The following NHSL1 variants were observed in gnomAD, a reference collection of about 807,000 sequenced individuals.
NHSL1 encodes the protein NHS-like protein 1.
A neutral mutation model predicts 95.0 loss-of-function variants in NHSL1; 48 were observed. The ratio of observed to expected loss-of-function variants is 0.51; its 90% CI spans 0.40 to 0.64. The LOEUF is 0.64. Ranked by LOEUF, NHSL1 falls within the 30% of genes least tolerant of loss-of-function variation. NHSL1 has a pLI of 0.00. For missense variants in NHSL1, 1,971 were observed against 2,077.7 expected, an observed-to-expected ratio of 0.95 and a Z score of 1.00; for synonymous variants, 783 against 833.9, an observed-to-expected ratio of 0.94 and a Z score of 1.05.
At chr6:138,673,876 A>G (rs1312343007) in intron 1 of NHSL1, among the ~76,000 whole-genome samples, 2 of 152,274 alleles carry the variant, frequency 1.3e-5, no homozygotes, top group African/African-American at 4.8e-5. Flanking sequence ...AGATCCTTTT[A>G]CAAAGACTGC....
intron 1 of NHSL1, among the ~76,000 whole-genome samples, chr6:138,642,573 C>T (rs1438427374): frequency 7.2e-5 from 11 of 152,106 alleles, no homozygotes; most frequent in Admixed American, 7.2e-4. Context: ...TATGATTATT[C>T]CAGATTGTCG....
rs1432797378 is a variant in NHSL1 at position 138,437,441 on chromosome 6, CACACA to C, written c.665-3766_665-3762del. Among the ~76,000 whole-genome samples the C allele has an allele frequency of 3.7e-4, 13 of 35,472 alleles. 2 individuals carry two copies. The highest frequency in any genetic ancestry group is 2.4e-3 in the East Asian group (2 of 838). The allele number at this position is 35,472 out of a possible 152,430, so 23.3% of individuals were successfully genotyped here. ...ACACACACACACACACACACACACACACACAAAAAAAAAAAAAAAAAATACAATGC... is the reference window on the plus strand; with the variant it reads ...ACACACACACACACACACACACACACAAAAAAAAAAAAAAAAATACAATGC... On this transcript the variant is annotated intron_variant, in intron 5 of 7. Transcript: ENST00000343505.
intron 1 of NHSL1, among the ~76,000 whole-genome samples, chr6:138,663,799 A>G (rs1785260746): frequency 6.6e-6 from 1 of 151,896 alleles, no homozygotes; most frequent in African/African-American, 2.4e-5. Flanking sequence ...TGAATCTGGG[A>G]GGCGGAGGTT....
At chr6:138,594,714 G>C (rs1389146353) in intron 1 of NHSL1, among the ~76,000 whole-genome samples, 60 of 151,960 alleles carry the variant, frequency 3.9e-4, no homozygotes, top group Admixed American at 3.8e-3. Context: ...TGAGCACGTT[G>C]ACACTGACAA....
upstream of NHSL1, among the ~76,000 whole-genome samples, chr6:138,499,674 C>T (rs1780569721): frequency 6.6e-6 from 1 of 152,166 alleles, no homozygotes; most frequent in Admixed American, 6.5e-5. Context: ...CCTCTCTGAG[C>T]CCACAAAAAT....
chr6:138,598,800 A>G (rs752806072), intron 1 of NHSL1, among the ~76,000 whole-genome samples: 26 of 152,158 alleles, frequency 1.7e-4, no homozygotes, highest in Non-Finnish European at 3.1e-4. Context: ...AAGCTAAACA[A>G]TCCCACTAAT....
At chr6:138,569,880 T>TAA (rs1347104909) in intron 1 of NHSL1, among the ~76,000 whole-genome samples, 2 of 147,520 alleles carry the variant, frequency 1.4e-5, no homozygotes, top group African/African-American at 5.0e-5. Context: ...CCCAATTATT[T>TAA]AAAAAAAAAA....
intron 5 of NHSL1, among the ~76,000 whole-genome samples, chr6:138,437,906 A>G (rs1776293437): frequency 6.6e-6 from 1 of 152,230 alleles, no homozygotes; most frequent in South Asian, 2.1e-4. Flanking sequence ...TCAAACTTGA[A>G]CAACGAGGCA....
intron 1 of NHSL1, among the ~76,000 whole-genome samples, chr6:138,618,895 G>T (rs1784616494): frequency 6.6e-6 from 1 of 152,150 alleles, no homozygotes; most frequent in African/African-American, 2.4e-5. Flanking sequence ...AAGACCACAT[G>T]TCATGACCCT....
intron 1 of NHSL1, among the ~76,000 whole-genome samples, chr6:138,602,314 T>G (rs938599224): frequency 6.6e-6 from 1 of 152,194 alleles, no homozygotes; most frequent in African/African-American, 2.4e-5. Context: ...GTATTTCCTT[T>G]CTTATGTGCA....
At chr6:138,648,266 C>T (rs1785045343) in intron 1 of NHSL1, among the ~76,000 whole-genome samples, 1 of 150,346 alleles carries the variant, frequency 6.7e-6, no homozygotes, top group East Asian at 2.0e-4. Context: ...CACTCTAAAA[C>T]TTAATGGCTT....
At chr6:138,452,427 G>C (rs965044344) in intron 3 of NHSL1, among the ~76,000 whole-genome samples, 2 of 151,990 alleles carry the variant, frequency 1.3e-5, no homozygotes, top group African/African-American at 4.8e-5. Flanking sequence ...GATTAACTAA[G>C]AAACACAGAT....
At chr6:138,539,245 C>T (rs913957923) in intron 1 of NHSL1, among the ~76,000 whole-genome samples, 3 of 152,162 alleles carry the variant, frequency 2.0e-5, no homozygotes, top group African/African-American at 7.2e-5. Context: ...TCTTCCACCC[C>T]GCATCCCCAA....
At chr6:138,500,565 T>C (rs929784143), upstream of NHSL1, among the ~76,000 whole-genome samples, 1 of 152,240 alleles carries the variant, frequency 6.6e-6, no homozygotes, top group Non-Finnish European at 1.5e-5. Flanking sequence ...GCCAGACTTA[T>C]AACTCAATGG....
intron 1 of NHSL1, among the ~76,000 whole-genome samples, chr6:138,580,417 G>A (rs1784035538): frequency 6.6e-6 from 1 of 152,220 alleles, no homozygotes; most frequent in African/African-American, 2.4e-5. Flanking sequence ...TTCGGGATGA[G>A]ATGTACTCTC....
intron 1 of NHSL1, among the ~76,000 whole-genome samples, chr6:138,508,300 T>C (rs930209885): frequency 1.6e-4 from 25 of 152,166 alleles, no homozygotes; most frequent in African/African-American, 6.0e-4. Flanking sequence ...GCTGGGATCA[T>C]CCAGAGACTG....
rs749076065 is a variant in NHSL1 at position 138,430,964 on chromosome 6, A to G, written c.3381T>C (p.Ser1127=). 3.0e-5 allele frequency: 46 copies of G among 1,551,616 alleles called. 1 individual carries two copies. The South Asian group carries it at 5.5e-4, about 18-fold the overall frequency. Residue 1127 remains serine (S), a synonymous_variant, in exon 6 of 8, where the codon AGT becomes AGC. Transcript: ENST00000343505. This position sits in a 1 kb window ranked among gnomAD's most constrained non-coding sequence, Gnocchi z 4.7. Reference sequence around the variant, plus strand: ...TTGTCACAGAGGCAGGCTGGCTTTCACTCTCCATTTCATTTGTGCTATTTC... The same window carrying G: ...TTGTCACAGAGGCAGGCTGGCTTTCGCTCTCCATTTCATTTGTGCTATTTC... ...KSRNSTNEME[S]ESQPASVTSS...
At chr6:138,492,706 T>C (rs764566932) in intron 2 of NHSL1, among the ~76,000 whole-genome samples, 3 of 152,218 alleles carry the variant, frequency 2.0e-5, no homozygotes. Flanking sequence ...TCACACTTTA[T>C]GGTTCCCAAG....
chr6:138,650,194 G>T, intron 1 of NHSL1: 1 of 593,700 alleles, frequency 1.7e-6, no homozygotes, highest in South Asian at 1.5e-5. Flanking sequence ...GCCAGGTTAA[G>T]ACTGTGTTTT....
Sources: allele counts gnomAD v4.1 joint callset (sites outside exome capture counted in the v4.1 genomes callset), GRCh38; gene constraint gnomAD v4.1.1; non-coding constraint Gnocchi (gnomAD v3.1); transcripts MANE v1.5; gene names NCBI Gene and HGNC (gene_info 2026-07-23, HGNC 2026-07-21).